Variants in OPCML observed in about 807,000 individuals in gnomAD.
The protein encoded by OPCML is opioid binding protein/cell adhesion molecule like, also known as opioid-binding protein/cell adhesion molecule.
OPCML carries 13 observed loss-of-function variants against 37.8 expected under a neutral mutation model. The ratio of observed to expected loss-of-function variants is 0.34; its 90% CI spans 0.22 to 0.55. The LOEUF (loss-of-function observed/expected upper bound fraction) is 0.55. Ranked by LOEUF, OPCML falls within the 20% of genes least tolerant of loss-of-function variation. The pLI is 0.91. For synonymous variants in OPCML, 176 were observed against 168.8 expected, an observed-to-expected ratio of 1.04 and a Z score of -0.33; for missense variants, 341 against 435.6, an observed-to-expected ratio of 0.78 and a Z score of 1.93.
At chr11:132,964,875 T>C (rs1946179327) in intron 1 of OPCML, among the ~76,000 whole-genome samples, 1 of 152,058 alleles carries the variant, frequency 6.6e-6, no homozygotes. Flanking sequence ...GCTCAGAAAG[T>C]TTATGTGAGT....
At chr11:133,314,931 C>A (rs1255854191) in intron 1 of OPCML, among the ~76,000 whole-genome samples, 1 of 152,076 alleles carries the variant, frequency 6.6e-6, no homozygotes, top group African/African-American at 2.4e-5. Flanking sequence ...TCGTTTCATC[C>A]GAAATATTTG....
In OPCML at chr11:132,989,440, G is replaced by T. The variant is rs186949698; in HGVS notation, c.62-46430C>A. 2.0e-5 allele frequency among the ~76,000 whole-genome samples: 3 copies of T among 152,206 alleles called. No individual in the cohort carries two copies. The East Asian group carries it at 5.8e-4, about 29-fold the overall frequency. The stretch of plus-strand genomic sequence containing the variant: ...AAGATGAAAAATACCAAAATTAAAA[G>T]AATAATTTTAGAGACTCATATGTAT... On this transcript the variant is annotated intron_variant, in intron 1 of 7. Transcript: ENST00000524381.
At chr11:132,982,344 C>T (rs958823788) in intron 1 of OPCML, among the ~76,000 whole-genome samples, 2 of 151,730 alleles carry the variant, frequency 1.3e-5, no homozygotes, top group East Asian at 1.9e-4. Context: ...CCCTCCTTAA[C>T]GCTTATACTG....
intron 1 of OPCML, among the ~76,000 whole-genome samples, chr11:133,517,130 T>C (rs1293342704): frequency 1.3e-5 from 2 of 152,192 alleles, no homozygotes; most frequent in Non-Finnish European, 2.9e-5. Context: ...TCTGCAATGG[T>C]CTCCAAAGAG....
At chr11:133,134,059 C>A (rs1949645145) in intron 1 of OPCML, among the ~76,000 whole-genome samples, 1 of 152,120 alleles carries the variant, frequency 6.6e-6, no homozygotes, top group African/African-American at 2.4e-5. Context: ...TGTATCATCC[C>A]TGCCACATAA....
chr11:132,429,599 G>A (rs1441378833), intron 7 of OPCML, among the ~76,000 whole-genome samples: 1 of 152,204 alleles, frequency 6.6e-6, no homozygotes, highest in African/African-American at 2.4e-5. Context: ...TATTCAGGGA[G>A]AGAGAGTGGC....
At chr11:133,365,048 T>TCA (rs3220326) in intron 1 of OPCML, among the ~76,000 whole-genome samples, 23,821 of 146,340 alleles carry the variant, frequency 0.16, 1,855 homozygotes, top group African/African-American at 0.2. Context: ...TCTCTCTCTT[T>TCA]CACACACACA....
At chr11:133,385,091 G>T (rs28410942) in intron 1 of OPCML, among the ~76,000 whole-genome samples, 47 of 152,128 alleles carry the variant, frequency 3.1e-4, no homozygotes, top group Admixed American at 3.3e-4. Context: ...AGGGTGGGGG[G>T]CTCAGAGGCT....
At chr11:132,866,774 AC>A (rs1457761931) in intron 2 of OPCML, among the ~76,000 whole-genome samples, 1 of 152,244 alleles carries the variant, frequency 6.6e-6, no homozygotes, top group Admixed American at 6.5e-5. Context: ...AGATTTCAAT[AC>A]CCTTGATTCA....
At chr11:132,563,784 A>T (rs1408063620) in intron 3 of OPCML, among the ~76,000 whole-genome samples, 1 of 147,986 alleles carries the variant, frequency 6.8e-6, no homozygotes, top group Non-Finnish European at 1.5e-5. Context: ...TTACGTTATT[A>T]AAAAAACAAC....
intron 1 of OPCML, among the ~76,000 whole-genome samples, chr11:133,038,753 A>G (rs2136939948): frequency 6.6e-6 from 1 of 152,250 alleles, no homozygotes; most frequent in East Asian, 1.9e-4. Context: ...CCAAGATTTT[A>G]AAAAACAAAA....
intron 2 of OPCML, among the ~76,000 whole-genome samples, chr11:132,711,576 T>C (rs184706192): frequency 4.6e-5 from 7 of 152,330 alleles, no homozygotes; most frequent in Non-Finnish European, 7.4e-5. Flanking sequence ...CAGGACAACA[T>C]AGCTAGCAGT....
chr11:132,608,854 C>T (rs547244627), intron 3 of OPCML, among the ~76,000 whole-genome samples: 2 of 152,286 alleles, frequency 1.3e-5, no homozygotes, highest in East Asian at 3.9e-4. Context: ...ATCACCGCAT[C>T]ATCCTTGCTT....
chr11:132,469,648 G>T (rs918763276), intron 4 of OPCML, among the ~76,000 whole-genome samples: 4 of 137,288 alleles, frequency 2.9e-5, no homozygotes, highest in South Asian at 2.4e-4. Flanking sequence ...GTGTGTGGGG[G>T]TGTATGTGTG....
chr11:132,967,050 A>G (rs1340714762), intron 1 of OPCML, among the ~76,000 whole-genome samples: 1 of 151,926 alleles, frequency 6.6e-6, no homozygotes, highest in Non-Finnish European at 1.5e-5. Flanking sequence ...ACTTAGATTT[A>G]CTTTTTTGTT....
intron 2 of OPCML, among the ~76,000 whole-genome samples, chr11:132,867,085 G>A (rs991996969): frequency 6.6e-6 from 1 of 152,162 alleles, no homozygotes; most frequent in Non-Finnish European, 1.5e-5. Context: ...GTAATAATTT[G>A]AGCTCACTTA....
chr11:132,811,726 G>C (rs1192303628), intron 2 of OPCML, among the ~76,000 whole-genome samples: 1 of 152,122 alleles, frequency 6.6e-6, no homozygotes, highest in Non-Finnish European at 1.5e-5. Context: ...AAATTAATAA[G>C]AGCCTTAATC....
intron 2 of OPCML, among the ~76,000 whole-genome samples, chr11:132,827,160 C>T (rs1940397917): frequency 6.6e-6 from 1 of 152,086 alleles, no homozygotes; most frequent in Non-Finnish European, 1.5e-5. Flanking sequence ...GTCTGCAAAA[C>T]ATATATCCGA....
intron 1 of OPCML, among the ~76,000 whole-genome samples, chr11:133,203,440 T>G (rs1938889991): frequency 6.6e-6 from 1 of 152,172 alleles, no homozygotes; most frequent in Admixed American, 6.5e-5. Context: ...TCTTCGCCTC[T>G]CAGGTGAAGC....
Sources: gnomAD v4.1 joint callset for allele counts (sites outside exome capture counted in the v4.1 genomes callset) on GRCh38, gnomAD v4.1.1 for gene constraint, MANE v1.5 for transcripts, NCBI Gene and HGNC (gene_info 2026-07-23, HGNC 2026-07-21) for gene names.